Variants in GPC6 observed in about 807,000 individuals in gnomAD.
The protein encoded by GPC6 is glypican 6, also known as glypican-6.
A neutral mutation model predicts 55.2 loss-of-function variants in GPC6; 14 were observed. That is an observed-to-expected ratio of 0.25 (90% CI 0.17 to 0.40). The LOEUF is 0.40. GPC6 is among the 10% of genes least tolerant of loss of function. The probability of loss-of-function intolerance (pLI) is 1.00; values close to 1 mark genes in which losing one functional copy is unlikely to be tolerated. For missense variants in GPC6, 641 were observed against 708.5 expected, an observed-to-expected ratio of 0.90 and a Z score of 1.08; for synonymous variants, 278 against 259.6, an observed-to-expected ratio of 1.07 and a Z score of -0.68.
intron 2 of GPC6, among the ~76,000 whole-genome samples, chr13:93,606,026 A>G (rs748667866): frequency 4.6e-5 from 7 of 152,278 alleles, no homozygotes; most frequent in South Asian, 2.1e-4. Context: ...AGAGATACAT[A>G]TAACTTAATA....
At chr13:93,639,186 T>C (rs955983680) in intron 2 of GPC6, among the ~76,000 whole-genome samples, 4 of 152,036 alleles carry the variant, frequency 2.6e-5, no homozygotes, top group African/African-American at 9.7e-5. Context: ...TATTTAAAAA[T>C]GGATGCTCAG....
chr13:93,935,847 TGTG>T (rs775800754), intron 3 of GPC6, among the ~76,000 whole-genome samples: 11 of 152,318 alleles, frequency 7.2e-5, no homozygotes, highest in Non-Finnish European at 1.0e-4. Context: ...TTCAGTCACT[TGTG>T]GTGCTTGTGA....
At chr13:94,203,607 G>C (rs1411865047) in intron 4 of GPC6, among the ~76,000 whole-genome samples, 1 of 151,840 alleles carries the variant, frequency 6.6e-6, no homozygotes, top group Non-Finnish European at 1.5e-5. Flanking sequence ...CCTTATGTTG[G>C]CAGTCCCTCC....
chr13:93,453,926 TA>T lies in GPC6; in HGVS notation c.161-91336del, dbSNP rs551997773. Among the ~76,000 whole-genome samples the T allele has an allele frequency of 2.0e-4, 30 of 152,282 alleles. No individual in the cohort carries two copies. The East Asian group carries it at 5.8e-3, about 30-fold the overall frequency. ...ACTGCTGGCTCCCGCAGCCTGCTTT[TA>T]TTCTTTTATCTGGCCCCACCCACAT... On this transcript the variant is annotated intron_variant, in intron 1 of 8. Transcript: ENST00000377047.
At chr13:93,583,486 T>C (rs1039632487) in intron 2 of GPC6, among the ~76,000 whole-genome samples, 1 of 152,152 alleles carries the variant, frequency 6.6e-6, no homozygotes, top group East Asian at 1.9e-4. Context: ...TGGCGCGATA[T>C]CGGCTCACCG....
chr13:93,706,172 T>C (rs1882843185), intron 2 of GPC6, among the ~76,000 whole-genome samples: 1 of 151,900 alleles, frequency 6.6e-6, no homozygotes, highest in African/African-American at 2.4e-5. Flanking sequence ...TTGGAAATTG[T>C]AGGAAATGTA....
chr13:94,226,557 A>G (rs1013922353), intron 4 of GPC6, among the ~76,000 whole-genome samples: 2 of 152,132 alleles, frequency 1.3e-5, no homozygotes, highest in African/African-American at 4.8e-5. Flanking sequence ...CAATTTTTTA[A>G]AAAAGGTACC....
chr13:93,399,609 T>A (rs1875994764), intron 1 of GPC6, among the ~76,000 whole-genome samples: 1 of 152,208 alleles, frequency 6.6e-6, no homozygotes, highest in South Asian at 2.1e-4. Context: ...TGAGTGTGAC[T>A]CATGGGTCTG....
chr13:93,598,305 C>T (rs1877857650), intron 2 of GPC6, among the ~76,000 whole-genome samples: 1 of 152,164 alleles, frequency 6.6e-6, no homozygotes, highest in Non-Finnish European at 1.5e-5. Flanking sequence ...ATCATGATGT[C>T]TCTGTTATGA....
At chr13:93,673,977 C>T (rs920974990) in intron 2 of GPC6, among the ~76,000 whole-genome samples, 5 of 151,850 alleles carry the variant, frequency 3.3e-5, no homozygotes, top group Admixed American at 1.3e-4. Context: ...TAAGTGTAGG[C>T]GCAGTGTTTA....
chr13:93,245,232 C>G lies in GPC6; in HGVS notation c.160+17616C>G, dbSNP rs552499919. Among the ~76,000 whole-genome samples the G allele has an allele frequency of 3.3e-5, 5 of 152,296 alleles. No individual in the cohort carries two copies. The East Asian group carries it at 9.6e-4, about 29-fold the overall frequency. On this transcript the variant is annotated intron_variant, in intron 1 of 8. Transcript: ENST00000377047. ...AAATTCCTTAAAATTTAACAGTCTT[C>G]TAGGCTATAATGTGGGGCACTGAAA...
chr13:93,290,134 G>T (rs1878269580), intron 1 of GPC6, among the ~76,000 whole-genome samples: 1 of 152,116 alleles, frequency 6.6e-6, no homozygotes, highest in Non-Finnish European at 1.5e-5. Flanking sequence ...AGAACCATTT[G>T]CTGACTTGAT....
intron 4 of GPC6, among the ~76,000 whole-genome samples, chr13:94,122,152 T>C (rs1886651422): frequency 6.6e-6 from 1 of 152,078 alleles, no homozygotes; most frequent in African/African-American, 2.4e-5. Context: ...AAAAGTTTTC[T>C]ATTTGTAAGA....
intron 2 of GPC6, among the ~76,000 whole-genome samples, chr13:93,613,530 A>AACACACACAC (rs10573990): frequency 1.4e-4 from 19 of 140,000 alleles, no homozygotes; most frequent in East Asian, 8.2e-4. Flanking sequence ...ACACACACAA[A>AACACACACAC]ACACACACAC....
intron 1 of GPC6, among the ~76,000 whole-genome samples, chr13:93,247,710 G>A (rs886898813): frequency 3.9e-4 from 60 of 152,112 alleles, no homozygotes; most frequent in African/African-American, 1.4e-3. Flanking sequence ...CTTACAAATG[G>A]CAAATCATAT....
At chr13:93,934,538 C>G (rs935562324) in intron 3 of GPC6, among the ~76,000 whole-genome samples, 1 of 152,210 alleles carries the variant, frequency 6.6e-6, no homozygotes, top group African/African-American at 2.4e-5. Context: ...ACCACCACCT[C>G]TACCTAGTCT....
chr13:93,573,975 T>C (rs956294749), intron 2 of GPC6, among the ~76,000 whole-genome samples: 3 of 152,098 alleles, frequency 2.0e-5, no homozygotes, highest in East Asian at 1.9e-4. Context: ...TTCTAAGAAA[T>C]TGGTCATAAT....
At chr13:94,152,080 A>G (rs1887762938) in intron 4 of GPC6, among the ~76,000 whole-genome samples, 1 of 152,094 alleles carries the variant, frequency 6.6e-6, no homozygotes, top group Admixed American at 6.6e-5. Context: ...CAAGGTTCTA[A>G]AGTCTGTCAG....
At chr13:93,357,312 G>C (rs1010912771) in intron 1 of GPC6, among the ~76,000 whole-genome samples, 4 of 152,092 alleles carry the variant, frequency 2.6e-5, no homozygotes, top group African/African-American at 7.2e-5. Flanking sequence ...TTTTGTAATT[G>C]TTTAAATGTA....
Sources: gnomAD v4.1 joint callset for allele counts (sites outside exome capture counted in the v4.1 genomes callset) on GRCh38, gnomAD v4.1.1 for gene constraint, MANE v1.5 for transcripts, NCBI Gene and HGNC (gene_info 2026-07-23, HGNC 2026-07-21) for gene names.